The following CADPS2 variants were observed in gnomAD, a reference collection of about 807,000 sequenced individuals.
The protein encoded by CADPS2 is calcium dependent secretion activator 2, also known as calcium-dependent secretion activator 2.
Under a neutral mutation model 172.5 loss-of-function variants are expected in CADPS2, and 93 were observed. That is an observed-to-expected ratio of 0.54 (90% CI 0.46 to 0.64). CADPS2 has a LOEUF of 0.64. CADPS2 is among the 30% of genes least tolerant of loss of function. CADPS2 has a pLI of 0.00. For synonymous variants in CADPS2, 546 were observed against 555.2 expected (o/e 0.98, Z 0.23); for missense variants, 1,420 against 1,565.9 (o/e 0.91, Z 1.57).
chr7:122,702,551 G>A, intron 2 of CADPS2: 3 of 1,613,544 alleles, frequency 1.9e-6, no homozygotes, highest in Non-Finnish European at 2.5e-6. Flanking sequence ...CCTTTCCAGA[G>A]GAGAATGATT....
intron 1 of CADPS2, among the ~76,000 whole-genome samples, chr7:122,836,632 T>C (rs544240744): frequency 6.6e-6 from 1 of 152,194 alleles, no homozygotes; most frequent in East Asian, 1.9e-4. Context: ...GCAATCCTAG[T>C]CTCTGATAAA....
At chr7:122,368,274 G>T (rs983050999) in intron 25 of CADPS2, 1 of 152,412 alleles carries the variant, frequency 6.6e-6, no homozygotes, top group Non-Finnish European at 1.5e-5. Flanking sequence ...CTACAAGCTG[G>T]TCTCACAGAA....
chr7:122,363,177 G>A (rs1412931787), intron 25 of CADPS2, among the ~76,000 whole-genome samples: 2 of 152,180 alleles, frequency 1.3e-5, no homozygotes, highest in East Asian at 1.9e-4. Context: ...ATACTCTAGG[G>A]TTATGTCAGA....
At chr7:122,594,260 C>G (rs1343174476) in intron 6 of CADPS2, among the ~76,000 whole-genome samples, 1 of 151,286 alleles carries the variant, frequency 6.6e-6, no homozygotes, top group Non-Finnish European at 1.5e-5. Flanking sequence ...AATAGTGAGA[C>G]CCAGTCTCAA....
chr7:122,537,087 A>T (rs1317921461), intron 8 of CADPS2, among the ~76,000 whole-genome samples: 1 of 151,976 alleles, frequency 6.6e-6, no homozygotes, highest in African/African-American at 2.4e-5. Flanking sequence ...TAATATCTAG[A>T]TGATAAAATA....
intron 20 of CADPS2, among the ~76,000 whole-genome samples, chr7:122,406,572 C>CT (rs981959203): frequency 1.6e-4 from 25 of 152,158 alleles, no homozygotes; most frequent in Middle Eastern, 6.8e-3. Context: ...CAGAAGAACA[C>CT]TGAGAAATGG....
intron 27 of CADPS2, among the ~76,000 whole-genome samples, chr7:122,347,283 G>A (rs1424527803): frequency 6.6e-6 from 1 of 152,070 alleles, no homozygotes; most frequent in Admixed American, 6.6e-5. Flanking sequence ...GAGAGTTCTT[G>A]CCATTTTTTT....
intron 2 of CADPS2, among the ~76,000 whole-genome samples, chr7:122,736,752 G>A (rs1300689194): frequency 2.6e-5 from 4 of 152,110 alleles, no homozygotes; most frequent in Non-Finnish European, 4.4e-5. Flanking sequence ...GACTAATTTC[G>A]ATTCTGTTTA....
At chr7:122,537,389 TATG>T (rs1264958018) in intron 8 of CADPS2, among the ~76,000 whole-genome samples, 7 of 151,718 alleles carry the variant, frequency 4.6e-5, no homozygotes, top group African/African-American at 1.2e-4. Context: ...AGTGTAATGC[TATG>T]ATGAAGAAGA....
chr7:122,710,324 A>C (rs2088499511), intron 2 of CADPS2, among the ~76,000 whole-genome samples: 2 of 152,124 alleles, frequency 1.3e-5, no homozygotes, highest in African/African-American at 4.8e-5. Context: ...CCTCCCGTGA[A>C]GGAGCAGAGA....
intron 6 of CADPS2, among the ~76,000 whole-genome samples, chr7:122,609,930 T>C (rs2074079684): frequency 6.6e-6 from 1 of 152,140 alleles, no homozygotes; most frequent in South Asian, 2.1e-4. Context: ...CAAGATGAGT[T>C]CAGGATGAAA....
chr7:122,401,776 C>CT (rs976208136), intron 20 of CADPS2, among the ~76,000 whole-genome samples: 11 of 151,952 alleles, frequency 7.2e-5, no homozygotes, highest in African/African-American at 2.7e-4. Context: ...AGAGCTTGGT[C>CT]TTTTTTGGCC....
intron 7 of CADPS2, among the ~76,000 whole-genome samples, chr7:122,558,669 TA>T (rs1295975692): frequency 1.3e-5 from 2 of 152,080 alleles, no homozygotes; most frequent in East Asian, 1.9e-4. Flanking sequence ...AACTAAGACT[TA>T]AAAAAATGAA....
chr7:122,789,824 G>T lies in CADPS2; in HGVS notation c.340-52756C>A, dbSNP rs1039602874. On this transcript the variant is annotated intron_variant, in intron 1 of 29. Coordinates refer to ENST00000449022, the MANE Select transcript of CADPS2 (RefSeq NM_017954.11). ...CAAAAACTATGTGTGGAAAAAATCT[G>T]CCATTCTGAGAGATGAAGAGCTAGT... Among the ~76,000 whole-genome samples, 9 of 152,218 alleles carry T rather than the reference G, an allele frequency of 5.9e-5. No homozygotes were observed. The East Asian group carries it at 1.7e-3, about 30-fold the overall frequency.
intron 2 of CADPS2, among the ~76,000 whole-genome samples, chr7:122,709,136 T>C (rs2088192007): frequency 6.6e-6 from 1 of 152,074 alleles, no homozygotes; most frequent in African/African-American, 2.4e-5. Context: ...CTTCTCATTA[T>C]TAAGATCCAA....
intron 8 of CADPS2, among the ~76,000 whole-genome samples, chr7:122,514,591 T>G (rs1489338536): frequency 6.6e-6 from 1 of 152,050 alleles, no homozygotes; most frequent in East Asian, 1.9e-4. Context: ...ATGATCTTCT[T>G]GTAGGATAAC....
At chr7:122,322,563 G>C (rs1216063576) in intron 29 of CADPS2, among the ~76,000 whole-genome samples, 4 of 152,190 alleles carry the variant, frequency 2.6e-5, no homozygotes, top group Non-Finnish European at 4.4e-5. Context: ...CCTAGCAAAA[G>C]AAGCAGGTGA....
chr7:122,793,834 C>T (rs37893), intron 1 of CADPS2, among the ~76,000 whole-genome samples: 66,545 of 151,862 alleles, frequency 0.44, 17,044 homozygotes, highest in African/African-American at 0.72. Flanking sequence ...TGGTAATGGA[C>T]TCCCTTAGCA....
chr7:122,711,758 T>G (rs113066775), intron 2 of CADPS2, among the ~76,000 whole-genome samples: 1 of 152,196 alleles, frequency 6.6e-6, no homozygotes, highest in Admixed American at 6.5e-5. Context: ...GTTCAAGCGA[T>G]TCTCCTGCCT....
Sources: allele counts gnomAD v4.1 joint callset (sites outside exome capture counted in the v4.1 genomes callset), GRCh38; gene constraint gnomAD v4.1.1; transcripts MANE v1.5; gene names NCBI Gene and HGNC (gene_info 2026-07-23, HGNC 2026-07-21).